Variants in CFAP299 observed in about 807,000 individuals in gnomAD.
CFAP299 encodes the protein cilia- and flagella-associated protein 299.
In CFAP299, 21 loss-of-function variants were observed where a neutral mutation model predicts 27.0. The observed-to-expected ratio is 0.78, with a 90% CI of 0.55 to 1.12. CFAP299 has a LOEUF of 1.12. Ranked by LOEUF, CFAP299 falls within the 50% of genes most tolerant of loss-of-function variation. The probability of loss-of-function intolerance (pLI) is 0.00; values close to 1 mark genes in which losing one functional copy is unlikely to be tolerated. For missense variants in CFAP299, 310 were observed against 276.6 expected (o/e 1.12, Z -0.86); for synonymous variants, 104 against 98.1 (o/e 1.06, Z -0.36).
intron 3 of CFAP299, among the ~76,000 whole-genome samples, chr4:80,586,975 G>T (rs1221529465): frequency 6.6e-6 from 1 of 151,992 alleles, no homozygotes; most frequent in African/African-American, 2.4e-5. Flanking sequence ...ACTGTACCTG[G>T]GTCAGGAAAA....
chr4:80,684,861 ATC>A (rs2110008935), intron 3 of CFAP299, among the ~76,000 whole-genome samples: 2 of 152,252 alleles, frequency 1.3e-5, no homozygotes, highest in Admixed American at 1.3e-4. Context: ...AAAATGATGT[ATC>A]TCTGTTTGTT....
At chr4:80,324,943 C>A in the CFAP299 span, among the ~76,000 whole-genome samples, 1 of 151,998 alleles carries the variant, frequency 6.6e-6, no homozygotes, top group African/African-American at 2.4e-5. Flanking sequence ...GCCAACATGG[C>A]AAAACCCTGT....
chr4:80,567,529 G>A (rs957707609), intron 2 of CFAP299, among the ~76,000 whole-genome samples: 18 of 151,322 alleles, frequency 1.2e-4, no homozygotes, highest in African/African-American at 2.9e-4. Context: ...AATAGTTTAC[G>A]AAAAAAAGGG....
At chr4:80,780,203 TC>T (rs1004206005) in intron 3 of CFAP299, among the ~76,000 whole-genome samples, 6 of 152,064 alleles carry the variant, frequency 3.9e-5, no homozygotes, top group Non-Finnish European at 7.4e-5. Context: ...CCTCCATTCT[TC>T]ACTCCATCAA....
chr4:80,901,034 G>C (rs1008695009), intron 4 of CFAP299, among the ~76,000 whole-genome samples: 1 of 151,978 alleles, frequency 6.6e-6, no homozygotes, highest in Non-Finnish European at 1.5e-5. Flanking sequence ...AAAAAGCTAG[G>C]AAGATGAGTA....
Position 80,814,106 on chromosome 4 carries a change from T to C in CFAP299, c.334-55887T>C, listed in dbSNP as rs537761234. Among the ~76,000 whole-genome samples, 3 of 151,336 alleles carry C rather than the reference T, an allele frequency of 2.0e-5. No homozygotes were observed. The East Asian group carries it at 5.8e-4, about 29-fold the overall frequency. On this transcript the variant is annotated intron_variant, in intron 3 of 5. Transcript: ENST00000358105. ...TTATTTAGTGCAATAATTTTTCTTC[T>C]TATGTCCTCCATCATTACTCTTTCC...
intron 3 of CFAP299, among the ~76,000 whole-genome samples, chr4:80,730,573 A>G (rs961784108): frequency 1.3e-5 from 2 of 151,978 alleles, no homozygotes; most frequent in African/African-American, 2.4e-5. Context: ...CACTTCAGTG[A>G]GCTGTGAAGT....
rs558275003 is a variant in CFAP299 at position 80,834,824 on chromosome 4, A to T, written c.334-35169A>T. Among the ~76,000 whole-genome samples the T allele has an allele frequency of 3.3e-5, 5 of 152,252 alleles. No homozygotes were observed. In the South Asian group the frequency reaches 1.0e-3, roughly 32 times the overall value. On this transcript the variant is annotated intron_variant, in intron 3 of 5. Transcript: ENST00000358105. ...TCATCGGTACTTGGATGAAGGAGAGACTTGCACCGCTGGACAATGGCCAGC... is the reference window on the plus strand; with the variant it reads ...TCATCGGTACTTGGATGAAGGAGAGTCTTGCACCGCTGGACAATGGCCAGC...
At chr4:80,897,317 G>C (rs1286844791) in intron 4 of CFAP299, among the ~76,000 whole-genome samples, 1 of 152,136 alleles carries the variant, frequency 6.6e-6, no homozygotes, top group African/African-American at 2.4e-5. Flanking sequence ...GCTAAGCTGT[G>C]CCTGGCATTG....
intron 1 of CFAP299, among the ~76,000 whole-genome samples, chr4:80,360,288 C>G (rs906417690): frequency 1.3e-5 from 2 of 152,180 alleles, no homozygotes; most frequent in Non-Finnish European, 2.9e-5. Flanking sequence ...ACCACAGTGA[C>G]AGAGGCAATG....
At chr4:80,345,112 T>C (rs533214318) in intron 1 of CFAP299, among the ~76,000 whole-genome samples, 1 of 152,222 alleles carries the variant, frequency 6.6e-6, no homozygotes, top group South Asian at 2.1e-4. Flanking sequence ...TTACTCCTAT[T>C]CAACATAGTA....
At chr4:80,891,532 G>A (rs1251952459) in intron 4 of CFAP299, among the ~76,000 whole-genome samples, 87 of 131,382 alleles carry the variant, frequency 6.6e-4, no homozygotes, top group Non-Finnish European at 1.1e-3. Context: ...ACCAAACACC[G>A]CATATTCTCA....
At chr4:80,659,512 G>A (rs1740727064) in intron 3 of CFAP299, among the ~76,000 whole-genome samples, 2 of 152,032 alleles carry the variant, frequency 1.3e-5, no homozygotes, top group African/African-American at 4.8e-5. Context: ...TTCACAGAAA[G>A]AAAATCTGAA....
At chr4:80,478,517 A>G (rs1334200180) in intron 2 of CFAP299, among the ~76,000 whole-genome samples, 1 of 152,130 alleles carries the variant, frequency 6.6e-6, no homozygotes, top group Non-Finnish European at 1.5e-5. Flanking sequence ...CAAATAAATG[A>G]TGCACATTTT....
intron 2 of CFAP299, among the ~76,000 whole-genome samples, chr4:80,464,770 A>T (rs919484357): frequency 6.6e-6 from 1 of 152,114 alleles, no homozygotes; most frequent in Non-Finnish European, 1.5e-5. Flanking sequence ...ACCTTGTCAT[A>T]ATATTTTGAC....
intron 4 of CFAP299, among the ~76,000 whole-genome samples, chr4:80,884,362 T>C (rs1194324612): frequency 6.6e-6 from 1 of 152,146 alleles, no homozygotes; most frequent in African/African-American, 2.4e-5. Context: ...GGAATAACTT[T>C]GGAAAAACCC....
chr4:80,452,014 A>T (rs1401813695), intron 2 of CFAP299, among the ~76,000 whole-genome samples: 2 of 152,168 alleles, frequency 1.3e-5, no homozygotes, highest in Non-Finnish European at 2.9e-5. Context: ...GGAACAGTTG[A>T]TGGGAATGTA....
chr4:80,492,244 G>T (rs560268211), intron 2 of CFAP299, among the ~76,000 whole-genome samples: 1 of 152,102 alleles, frequency 6.6e-6, no homozygotes, highest in Non-Finnish European at 1.5e-5. Context: ...GCTGTGCCCC[G>T]ACCACCTTGG....
intron 2 of CFAP299, among the ~76,000 whole-genome samples, chr4:80,399,918 A>G (rs1726047239): frequency 6.6e-6 from 1 of 152,190 alleles, no homozygotes; most frequent in Admixed American, 6.6e-5. Flanking sequence ...TACATTCTAA[A>G]CCAGAGGCGT....
Sources: allele counts gnomAD v4.1 joint callset (sites outside exome capture counted in the v4.1 genomes callset), GRCh38; gene constraint gnomAD v4.1.1; transcripts MANE v1.5; gene names NCBI Gene and HGNC (gene_info 2026-07-23, HGNC 2026-07-21).